DNAH17: variants seen among roughly 807,000 people sequenced by gnomAD.
DNAH17 encodes dynein axonemal heavy chain 17, also known as axonemal beta dynein heavy chain 17.
A neutral mutation model predicts 485.6 loss-of-function variants in DNAH17; 376 were observed. The ratio of observed to expected loss-of-function variants is 0.77; its 90% CI spans 0.71 to 0.84. DNAH17 has a LOEUF of 0.84. DNAH17 is among the 40% of genes least tolerant of loss of function. DNAH17 has a pLI of 0.00. For missense variants in DNAH17, 6,370 were observed against 5,839.3 expected (o/e 1.09, Z -2.96); for synonymous variants, 3,031 against 2,405.9 (o/e 1.26, Z -7.60).
chr17:78,488,279 G>C (rs2089700945), intron 44 of DNAH17, among the ~76,000 whole-genome samples: 1 of 152,172 alleles, frequency 6.6e-6, no homozygotes, highest in Admixed American at 6.5e-5. Context: ...GGCCATCCTG[G>C]GTGCATCCGG....
Position 78,494,763 on chromosome 17 carries a change from G to A in DNAH17, c.6100C>T (p.Leu2034=), listed in dbSNP as rs2090004269. Residue 2034 remains leucine (L), a synonymous_variant, in exon 40 of 81, where the codon CTG becomes TTG. Transcript: ENST00000389840. The stretch of plus-strand genomic sequence containing the variant: ...GCCCGGCTGGGGTCGCCCCTCTTCA[G>A]GGAGCCGGCCACCACCAGCACAGAC... ...IKSVLVVAGS[L]KRGDPSRAED... The A allele has an allele frequency of 4.3e-6, 7 of 1,613,550 alleles. No individual in the cohort carries two copies. Among genetic ancestry groups the A allele is most frequent in the Non-Finnish European group, 5.9e-6 (7 of 1,179,802 alleles).
rs779330554 is a variant in DNAH17 at position 78,529,598 on chromosome 17, C to T, written c.3381G>A (p.Gly1127=). 1 of 1,613,964 alleles carries T rather than the reference C, an allele frequency of 6.2e-7. No homozygotes were observed. Among genetic ancestry groups the T allele is most frequent in the Non-Finnish European group, 8.5e-7 (1 of 1,179,872 alleles). Residue 1127 remains glycine, a synonymous_variant, in exon 22 of 81, where the codon GGG becomes GGA. Transcript: ENST00000389840. ...GCCTCTCCTTGACTTTCATCAGGTGCCCCATCACCTCCACAAGCCCATCAT... is the reference window on the plus strand; with the variant it reads ...GCCTCTCCTTGACTTTCATCAGGTGTCCCATCACCTCCACAAGCCCATCAT... ...GDYDGLVEVM[G]HLMKVKERQA...
chr17:78,451,015 G>T (rs115454537), intron 66 of DNAH17, among the ~76,000 whole-genome samples, 169 bp from the exon 67 acceptor site: 8 of 152,206 alleles, frequency 5.3e-5, no homozygotes, highest in African/African-American at 1.9e-4. Flanking sequence ...ACCTCAGAGA[G>T]GCCCTGGCCC....
intron 9 of DNAH17, among the ~76,000 whole-genome samples, chr17:78,568,082 C>T (rs937345677): frequency 4.6e-5 from 7 of 152,278 alleles, no homozygotes; most frequent in Admixed American, 1.3e-4. Flanking sequence ...CTCTTCCACC[C>T]GACGCGGAGG....
At chr17:78,510,344 G>C in intron 27 of DNAH17, 40 bp downstream of exon 27, 1 of 1,603,140 alleles carries the variant, frequency 6.2e-7, no homozygotes, top group Non-Finnish European at 8.5e-7. Flanking sequence ...GTTTCAGGCT[G>C]ATCCCACGTT....
At chr17:78,433,094 C>T (rs1390385560) in intron 75 of DNAH17, among the ~76,000 whole-genome samples, 1 of 152,132 alleles carries the variant, frequency 6.6e-6, no homozygotes, top group Admixed American at 6.5e-5. Flanking sequence ...GGGTCCATGT[C>T]GCTATTGATT....
In DNAH17 at chr17:78,509,124, G is replaced by A. The variant is rs1172177380; in HGVS notation, c.4236+1260C>T. ...TGGGATTACAGGCATGCGCCACCACGCCTGGCTAATTTTTGTATTTTTAGC... is the reference window on the plus strand; with the variant it reads ...TGGGATTACAGGCATGCGCCACCACACCTGGCTAATTTTTGTATTTTTAGC... On this transcript the variant is annotated intron_variant, in intron 27 of 80. Transcript: ENST00000389840. 4.9e-5 allele frequency among the ~76,000 whole-genome samples: 4 copies of A among 82,226 alleles called. 2 individuals are homozygous for A. Among genetic ancestry groups the A allele is most frequent in the African/African-American group, 1.1e-4 (2 of 17,520 alleles). 53.9% of individuals were successfully genotyped at this position (82,226 alleles called of 152,430 possible). A position where few individuals can be genotyped will look rare whatever the true frequency, so the allele number is the denominator to read the frequency against.
chr17:78,553,283 G>GGTTTTTT lies in DNAH17; in HGVS notation c.2179-479_2179-478insAAAAAAC, dbSNP rs2091944708. 1.9e-3 allele frequency among the ~76,000 whole-genome samples: 96 copies of GGTTTTTT among 51,026 alleles called. 14 individuals are homozygous for GGTTTTTT. The highest frequency in any genetic ancestry group is 0.015 in the Middle Eastern group (1 of 68). The allele number at this position is 51,026 out of a possible 152,430, so 33.5% of individuals were successfully genotyped here. A position where few individuals can be genotyped will look rare whatever the true frequency, so the allele number is the denominator to read the frequency against. On this transcript the variant is annotated intron_variant, in intron 14 of 80. Transcript: ENST00000389840. ...AAATTACCCAGTCCCAGGTTTTTGT[G>GGTTTTTT]TTTTTTTTTTTTTTTTTTTTTTTTT...
intron 19 of DNAH17, among the ~76,000 whole-genome samples, chr17:78,534,726 G>T (rs935622904): frequency 6.6e-6 from 1 of 152,214 alleles, no homozygotes; most frequent in Non-Finnish European, 1.5e-5. Flanking sequence ...TGGCAGCCTG[G>T]CATACCAGAG....
In DNAH17 at chr17:78,572,874, G is replaced by A. The variant is rs1468534697; in HGVS notation, c.366C>T (p.Asn122=). 1.2e-6 allele frequency: 2 copies of A among 1,613,834 alleles called. No homozygotes were observed. The highest frequency in any genetic ancestry group is 2.7e-5 in the African/African-American group (2 of 75,048). ...VVEEVLSSLL[N]QSENMAGWPQ... is the part of the protein sequence containing the mutation. The stretch of plus-strand genomic sequence containing the variant: ...GCCATCCAGCCATGTTCTCACTTTG[G>A]TTTAACAGAGAAGAGAGGACCTAAA... Residue 122 remains asparagine, a synonymous_variant, in exon 3 of 81, where the codon AAC becomes AAT. Transcript: ENST00000389840.
intron 1 of DNAH17, among the ~76,000 whole-genome samples, chr17:78,576,770 C>T (rs1478631940): frequency 2.6e-5 from 4 of 152,194 alleles, no homozygotes; most frequent in Non-Finnish European, 4.4e-5. Context: ...CTTCCAAGAA[C>T]GGCATGGGGT....
At chr17:78,536,032 C>G (rs2091364301) in intron 19 of DNAH17, among the ~76,000 whole-genome samples, 1 of 152,142 alleles carries the variant, frequency 6.6e-6, no homozygotes, top group Non-Finnish European at 1.5e-5. Context: ...TACCCCAGAG[C>G]CTGGCCAGGC....
At chr17:78,505,678 T>C (rs1165840234) in intron 30 of DNAH17, among the ~76,000 whole-genome samples, 1 of 152,208 alleles carries the variant, frequency 6.6e-6, no homozygotes, top group Non-Finnish European at 1.5e-5. Context: ...CAAACATCCA[T>C]TCTGGAAGAT....
intron 54 of DNAH17, among the ~76,000 whole-genome samples, chr17:78,472,133 A>G (rs867863299): frequency 6.6e-6 from 1 of 152,156 alleles, no homozygotes; most frequent in Non-Finnish European, 1.5e-5. Context: ...TGGCCAAAAC[A>G]TCAGCAGCAG....
rs756452545 is a variant in DNAH17 at position 78,491,602 on chromosome 17, C to T, written c.6542-32G>A. 2.0e-5 allele frequency: 32 copies of T among 1,607,102 alleles called. No individual in the cohort carries two copies. The Admixed American group carries it at 3.0e-4, about 15-fold the overall frequency. ...GAGGCGCGTGGTATGACCCCGGGCC[C>T]TTCACTCCGGCCCCATTCCAGTCCC... On this transcript the variant is annotated intron_variant, in intron 42 of 80. Coordinates refer to ENST00000389840, the MANE Select transcript of DNAH17 (RefSeq NM_173628.4).
intron 64 of DNAH17, 21 bp from the exon 65 acceptor site, chr17:78,453,486 C>G (rs754668929): frequency 6.2e-7 from 1 of 1,613,366 alleles, no homozygotes; most frequent in East Asian, 2.2e-5. Context: ...AACACGGAAG[C>G]TGGTTCATGG....
chr17:78,521,186 G>T (rs200058116), intron 25 of DNAH17, among the ~76,000 whole-genome samples: 1 of 152,158 alleles, frequency 6.6e-6, no homozygotes. Flanking sequence ...CAGGTGGATC[G>T]CTTGAGGTCA....
chr17:78,437,754 G>T lies in DNAH17; in HGVS notation c.11920C>A (p.Pro3974Thr). The change falls in exon 74 of 81, where the codon CCC becomes ACC. Residue 3974 changes from proline (P) to threonine (T), a missense_variant. Transcript: ENST00000389840. ...CCCTGGGGGATGATGTGGGTCTCGG[G>T]GCTGGGGGCAGGCTCCGCGCTGATG... is the stretch of plus-strand genomic sequence containing the variant. ...VFISAEPAPSPETHIIPQGIL... is the reference protein window; with the variant it reads ...VFISAEPAPSTETHIIPQGIL... 6.2e-7 allele frequency: 1 copy of T among 1,612,444 alleles called. No individual in the cohort carries two copies. Among genetic ancestry groups the T allele is most frequent in the East Asian group, 2.2e-5 (1 of 44,886 alleles).
chr17:78,424,373 T>A, intron 80 of DNAH17: 1 of 519,518 alleles, frequency 1.9e-6, no homozygotes, highest in Non-Finnish European at 3.4e-6. Flanking sequence ...ACAGCTCAGC[T>A]AAAGCCCTCG....
Sources: allele counts gnomAD v4.1 joint callset (sites outside exome capture counted in the v4.1 genomes callset), GRCh38; gene constraint gnomAD v4.1.1; transcripts MANE v1.5; gene names NCBI Gene and HGNC (gene_info 2026-07-23, HGNC 2026-07-21).